Variants in SBF2 observed in about 807,000 individuals in gnomAD.
SBF2 encodes the protein SET binding factor 2.
Under a neutral mutation model 225.2 loss-of-function variants are expected in SBF2, and 112 were observed. The ratio of observed to expected loss-of-function variants is 0.50; its 90% CI spans 0.43 to 0.58. The LOEUF (loss-of-function observed/expected upper bound fraction) is 0.58, where lower values mean the gene tolerates loss of function less well. SBF2 is among the 20% of genes least tolerant of loss of function. SBF2 has a pLI of 0.00. For synonymous variants in SBF2, 763 were observed against 773.3 expected, an observed-to-expected ratio of 0.99 and a Z score of 0.22; for missense variants, 1,996 against 2,206.2, an observed-to-expected ratio of 0.90 and a Z score of 1.91.
intron 1 of SBF2, among the ~76,000 whole-genome samples, chr11:10,245,336 AG>A (rs59541887): frequency 0.2 from 29,838 of 151,782 alleles, 3,108 homozygotes; most frequent in Middle Eastern, 0.26. Flanking sequence ...GCTTGATTCC[AG>A]GAGTTCCAGA....
At chr11:10,245,047 T>C (rs566200942) in intron 1 of SBF2, among the ~76,000 whole-genome samples, 1 of 150,070 alleles carries the variant, frequency 6.7e-6, no homozygotes, top group East Asian at 2.0e-4. Context: ...GGTGGGAGGA[T>C]TGCTTACAAC....
chr11:10,056,523 T>C (rs1458612939), intron 2 of SBF2, among the ~76,000 whole-genome samples: 1 of 152,250 alleles, frequency 6.6e-6, no homozygotes, highest in Non-Finnish European at 1.5e-5. Flanking sequence ...GGGTTGCCTT[T>C]CTGATTTGGC....
intron 35 of SBF2, 118 bp downstream of exon 35, chr11:9,788,991 C>A (rs1315470361): frequency 2.3e-6 from 2 of 856,914 alleles, no homozygotes; most frequent in African/African-American, 3.3e-5. Context: ...TTCTTCATAA[C>A]CATAACCCTA....
intron 17 of SBF2, among the ~76,000 whole-genome samples, chr11:9,868,237 G>A (rs1300417372): frequency 1.4e-5 from 2 of 147,060 alleles, no homozygotes; most frequent in African/African-American, 5.0e-5. Flanking sequence ...GCTCACGCCT[G>A]TAATCCCAGC....
At chr11:10,196,739 C>T (rs4910098) in intron 1 of SBF2, among the ~76,000 whole-genome samples, 31,566 of 150,088 alleles carry the variant, frequency 0.21, 4,086 homozygotes, top group Non-Finnish European at 0.3. Flanking sequence ...ATTTTAAATA[C>T]ATAAAAATAT....
chr11:10,300,926 G>A (rs1964593884), intron 1 of SBF2, among the ~76,000 whole-genome samples: 1 of 151,626 alleles, frequency 6.6e-6, no homozygotes, highest in South Asian at 2.1e-4. Flanking sequence ...TAGGATTACA[G>A]GCACGAGCCA....
chr11:9,875,450 T>C (rs1859148021), intron 17 of SBF2, among the ~76,000 whole-genome samples: 1 of 152,224 alleles, frequency 6.6e-6, no homozygotes, highest in African/African-American at 2.4e-5. Context: ...TTGTACAGTT[T>C]AAGGCCTACT....
At chr11:9,895,757 T>C (rs1364396741) in intron 17 of SBF2, among the ~76,000 whole-genome samples, 186 bp downstream of exon 17, 1 of 152,202 alleles carries the variant, frequency 6.6e-6, no homozygotes, top group Non-Finnish European at 1.5e-5. Context: ...TTTTAGGAGA[T>C]GATTTAGTGT....
intron 2 of SBF2, among the ~76,000 whole-genome samples, chr11:10,118,145 T>C (rs1016183884): frequency 6.6e-6 from 1 of 152,214 alleles, no homozygotes; most frequent in African/African-American, 2.4e-5. Context: ...TCCCAGATAT[T>C]TGAAGGCCAA....
intron 28 of SBF2, among the ~76,000 whole-genome samples, chr11:9,829,015 C>G (rs943812047): frequency 3.9e-5 from 6 of 152,112 alleles, no homozygotes; most frequent in Non-Finnish European, 8.8e-5. Context: ...CACCTCACAC[C>G]TGTAATCTCA....
intron 1 of SBF2, among the ~76,000 whole-genome samples, chr11:10,209,441 T>C (rs530029167): frequency 6.6e-6 from 1 of 152,086 alleles, no homozygotes. Flanking sequence ...AAACTTCCTA[T>C]CCTGCAAAAA....
chr11:10,156,296 C>T (rs552522297), intron 2 of SBF2, among the ~76,000 whole-genome samples: 41 of 152,324 alleles, frequency 2.7e-4, no homozygotes, highest in African/African-American at 7.5e-4. Flanking sequence ...TGGTAACCAG[C>T]GAGCATGGGA....
intron 2 of SBF2, among the ~76,000 whole-genome samples, chr11:10,179,595 C>G (rs1007538222): frequency 1.3e-5 from 2 of 152,116 alleles, no homozygotes; most frequent in Non-Finnish European, 2.9e-5. Context: ...CTGTCTCGAT[C>G]TGTCCAATGC....
intron 2 of SBF2, among the ~76,000 whole-genome samples, chr11:10,160,117 T>A (rs569604007): frequency 3.4e-4 from 52 of 151,952 alleles, no homozygotes; most frequent in African/African-American, 1.2e-3. Flanking sequence ...AAAGAAGAAG[T>A]AAAAAATATC....
At chr11:10,033,735 G>C (rs1949343664) in intron 3 of SBF2, among the ~76,000 whole-genome samples, 1 of 151,780 alleles carries the variant, frequency 6.6e-6, no homozygotes, top group Non-Finnish European at 1.5e-5. Context: ...GTTTGTTCTA[G>C]AATGGTAATG....
rs147726606 is a variant in SBF2 at position 9,955,233 on chromosome 11, A to G, written c.1860+6724T>C. On this transcript the variant is annotated intron_variant, in intron 16 of 39. Transcript: ENST00000256190. ...CTCTTCTAATCCACATCCCAGAGGT[A>G]ATCATTGGTATCTCTCTTATCAGGA... 9.9e-5 allele frequency among the ~76,000 whole-genome samples: 15 copies of G among 152,194 alleles called. No individual in the cohort carries two copies. In the East Asian group the frequency reaches 2.9e-3, roughly 29 times the overall value.
intron 17 of SBF2, among the ~76,000 whole-genome samples, chr11:9,869,587 C>G (rs1858544261): frequency 6.6e-6 from 1 of 152,012 alleles, no homozygotes; most frequent in Non-Finnish European, 1.5e-5. Context: ...ATAAACAGAA[C>G]TAAAGAAAAA....
At chr11:9,835,547 G>A (rs1240035160) in intron 26 of SBF2, among the ~76,000 whole-genome samples, 2 of 150,490 alleles carry the variant, frequency 1.3e-5, no homozygotes, top group Non-Finnish European at 2.9e-5. Flanking sequence ...TGGAAGGATC[G>A]CCTGAGCCAG....
intron 2 of SBF2, among the ~76,000 whole-genome samples, chr11:10,057,824 G>C (rs953515990): frequency 4.6e-5 from 7 of 152,162 alleles, no homozygotes; most frequent in African/African-American, 1.4e-4. Context: ...ACACAACCAA[G>C]CAAGAATCAA....
Sources: allele counts gnomAD v4.1 joint callset (sites outside exome capture counted in the v4.1 genomes callset), GRCh38; gene constraint gnomAD v4.1.1; transcripts MANE v1.5; gene names NCBI Gene and HGNC (gene_info 2026-07-23, HGNC 2026-07-21).